The following PTPRD variants were observed in gnomAD, a reference collection of about 807,000 sequenced individuals.
PTPRD encodes protein tyrosine phosphatase receptor type D.
PTPRD carries 34 observed loss-of-function variants against 214.5 expected under a neutral mutation model. That is an observed-to-expected ratio of 0.16 (90% CI 0.12 to 0.21). The LOEUF (loss-of-function observed/expected upper bound fraction) is 0.21. Ranked by LOEUF, PTPRD falls within the 10% of genes least tolerant of loss-of-function variation. The pLI, the probability that PTPRD is intolerant of heterozygous loss-of-function variation, is 1.00. For synonymous variants in PTPRD, 1,128 were observed against 845.7 expected (o/e 1.33, Z -5.79); for missense variants, 2,545 against 2,398.7 (o/e 1.06, Z -1.27).
At position 8,331,635 on chromosome 9, in the gene PTPRD, G is replaced by T. The variant is rs746886854; in HGVS notation, c.5481C>A (p.Val1827=). 4 of 1,613,702 alleles carry T rather than the reference G, an allele frequency of 2.5e-6. No individual in the cohort carries two copies. The highest frequency in any genetic ancestry group is 1.7e-5 in the Admixed American group (1 of 59,974). ...GGCCAAACTGTTCTTTTGTTTTATG[G>T]ACTTGGCCGATGAAGTCAATAAATC... ...GEGFIDFIGQ[V]HKTKEQFGQD... Residue 1827 remains valine, a synonymous_variant, in exon 44 of 46, where the codon GTC becomes GTA. Transcript: ENST00000381196.
At chr9:10,510,821 G>T (rs534625939) in intron 2 of PTPRD, among the ~76,000 whole-genome samples, 3 of 151,892 alleles carry the variant, frequency 2.0e-5, no homozygotes, top group Non-Finnish European at 4.4e-5. Context: ...CCGCATTTTT[G>T]TACCTATTAA....
chr9:10,108,609 G>T (rs577515138), intron 3 of PTPRD, among the ~76,000 whole-genome samples: 5 of 151,988 alleles, frequency 3.3e-5, no homozygotes, highest in Admixed American at 2.0e-4. Context: ...CAATCCTACT[G>T]CTGGGTATTT....
At chr9:8,943,678 G>C (rs893358115) in intron 11 of PTPRD, among the ~76,000 whole-genome samples, 7 of 150,166 alleles carry the variant, frequency 4.7e-5, no homozygotes, top group Non-Finnish European at 1.0e-4. Flanking sequence ...CAGAATAAAT[G>C]GTTCTGGGAA....
intron 4 of PTPRD, among the ~76,000 whole-genome samples, chr9:9,955,569 G>A (rs551756889): frequency 1.3e-5 from 2 of 150,318 alleles, no homozygotes; most frequent in African/African-American, 5.0e-5. Flanking sequence ...TGTCGCCCAG[G>A]CTTGAGTATA....
intron 2 of PTPRD, among the ~76,000 whole-genome samples, chr9:10,387,885 T>A (rs893562247): frequency 7.8e-6 from 1 of 127,692 alleles, no homozygotes; most frequent in African/African-American, 2.9e-5. Context: ...GGTATCAAAC[T>A]CCTTGGCTCA....
At chr9:9,675,361 T>A (rs868779148) in intron 7 of PTPRD, among the ~76,000 whole-genome samples, 60 of 151,514 alleles carry the variant, frequency 4.0e-4, no homozygotes, top group African/African-American at 1.4e-3. Context: ...TCAACTAATA[T>A]CTCATCCAGG....
intron 2 of PTPRD, among the ~76,000 whole-genome samples, chr9:10,577,133 T>A (rs2132226752): frequency 6.6e-6 from 1 of 152,302 alleles, no homozygotes; most frequent in Admixed American, 6.5e-5. Flanking sequence ...ACTGGGGTAC[T>A]TTTATGGAAA....
chr9:9,073,648 G>A (rs2099747006), intron 10 of PTPRD, among the ~76,000 whole-genome samples: 1 of 152,164 alleles, frequency 6.6e-6, no homozygotes, highest in African/African-American at 2.4e-5. Flanking sequence ...TCAGATGCAA[G>A]ACTCTTAACT....
chr9:10,031,645 T>C lies in PTPRD; in HGVS notation c.-472+2073A>G, dbSNP rs866619714. Among the ~76,000 whole-genome samples the C allele has an allele frequency of 6.0e-3, 414 of 69,034 alleles. 29 individuals carry two copies. The highest frequency in any genetic ancestry group is 0.054 in the African/African-American group (380 of 7,024). 45.3% of individuals were successfully genotyped at this position (69,034 alleles called of 152,430 possible). A position where few individuals can be genotyped will look rare whatever the true frequency, so the allele number is the denominator to read the frequency against. On this transcript the variant is annotated intron_variant, in intron 4 of 45. Coordinates refer to ENST00000381196, the MANE Select transcript of PTPRD (RefSeq NM_002839.4). ...AACTCCATATATATATATATATATA[T>C]ATACACACACACACACACACATACA...
At chr9:9,428,803 A>G (rs1256979598) in intron 8 of PTPRD, among the ~76,000 whole-genome samples, 2 of 152,218 alleles carry the variant, frequency 1.3e-5, no homozygotes, top group Non-Finnish European at 1.5e-5. Flanking sequence ...CTGAATGACT[A>G]CTGGGTACAT....
At chr9:10,605,530 G>A (rs778552587) in intron 2 of PTPRD, among the ~76,000 whole-genome samples, 4 of 151,792 alleles carry the variant, frequency 2.6e-5, no homozygotes, top group Non-Finnish European at 5.9e-5. Context: ...AGAAATTCCA[G>A]TGGAAAACAG....
intron 11 of PTPRD, among the ~76,000 whole-genome samples, chr9:8,950,610 T>C: frequency 6.6e-6 from 1 of 152,120 alleles, no homozygotes; most frequent in East Asian, 1.9e-4. Context: ...CAATAATATA[T>C]AGGACTCTGT....
intron 10 of PTPRD, among the ~76,000 whole-genome samples, chr9:9,129,671 A>G (rs1420138890): frequency 6.6e-6 from 1 of 152,084 alleles, no homozygotes; most frequent in East Asian, 1.9e-4. Flanking sequence ...TCTAACAAAT[A>G]CCTTGTCTCT....
At chr9:9,964,917 A>T (rs1324342565) in intron 4 of PTPRD, among the ~76,000 whole-genome samples, 2 of 152,140 alleles carry the variant, frequency 1.3e-5, no homozygotes, top group Non-Finnish European at 2.9e-5. Flanking sequence ...AGGGAAATAA[A>T]CTTATTTTTG....
intron 3 of PTPRD, among the ~76,000 whole-genome samples, chr9:10,287,662 T>G (rs1565049175): frequency 1.3e-5 from 2 of 152,102 alleles, no homozygotes; most frequent in South Asian, 4.1e-4. Context: ...TCTCTTCTAC[T>G]GGGCAGGATT....
intron 43 of PTPRD, among the ~76,000 whole-genome samples, chr9:8,337,525 C>G (rs1426406088): frequency 6.6e-6 from 1 of 152,040 alleles, no homozygotes; most frequent in Non-Finnish European, 1.5e-5. Flanking sequence ...TTGCACCAAA[C>G]CACCGTGGCA....
intron 9 of PTPRD, among the ~76,000 whole-genome samples, chr9:9,374,161 C>T (rs2060209628): frequency 6.6e-6 from 1 of 151,832 alleles, no homozygotes. Flanking sequence ...ACGAAAAAGA[C>T]AGATTTTATG....
intron 17 of PTPRD, among the ~76,000 whole-genome samples, 168 bp downstream of exon 17, chr9:8,526,459 A>T (rs1030113822): frequency 2.0e-5 from 3 of 152,018 alleles, no homozygotes; most frequent in Admixed American, 2.0e-4. Flanking sequence ...AAAGGAAAGG[A>T]AAGTTCACAA....
intron 14 of PTPRD, among the ~76,000 whole-genome samples, chr9:8,632,416 C>A (rs1354269796): frequency 6.6e-6 from 1 of 151,850 alleles, no homozygotes; most frequent in African/African-American, 2.4e-5. Context: ...TGTTTCCTTT[C>A]CAATTTCTTT....
Sources: allele counts gnomAD v4.1 joint callset (sites outside exome capture counted in the v4.1 genomes callset), GRCh38; gene constraint gnomAD v4.1.1; transcripts MANE v1.5; gene names NCBI Gene and HGNC (gene_info 2026-07-23, HGNC 2026-07-21).